MAP2K1: variants seen among roughly 807,000 people sequenced by gnomAD.
MAP2K1 encodes mitogen-activated protein kinase kinase 1.
MAP2K1 carries 16 observed loss-of-function variants against 46.3 expected under a neutral mutation model. The ratio of observed to expected loss-of-function variants is 0.35; its 90% CI spans 0.23 to 0.52. The LOEUF (loss-of-function observed/expected upper bound fraction) is 0.52. MAP2K1 is among the 20% of genes least tolerant of loss of function. The pLI is 0.94. For missense variants in MAP2K1, 263 were observed against 497.1 expected (o/e 0.53, Z 4.48); for synonymous variants, 183 against 185.6 (o/e 0.99, Z 0.11).
At chr15:66,408,854 C>G (rs1399806879) in intron 1 of MAP2K1, among the ~76,000 whole-genome samples, 1 of 152,142 alleles carries the variant, frequency 6.6e-6, no homozygotes, top group African/African-American at 2.4e-5. Flanking sequence ...CTCCTCCACC[C>G]CATCTGGGCA....
intron 5 of MAP2K1, among the ~76,000 whole-genome samples, chr15:66,459,394 A>G (rs1055427892): frequency 1.3e-5 from 2 of 151,700 alleles, no homozygotes; most frequent in Admixed American, 1.3e-4. Flanking sequence ...AGATGGGTGG[A>G]TCACTTGAGG....
chr15:66,469,723 C>CACACACACACACACACACACACACATAT (rs143830560), intron 5 of MAP2K1, among the ~76,000 whole-genome samples: 8 of 134,558 alleles, frequency 5.9e-5, no homozygotes, highest in Non-Finnish European at 1.3e-4. Flanking sequence ...CACACACACA[C>CACACACACACACACACACACACACATAT]ATATCGGATG....
intron 3 of MAP2K1, among the ~76,000 whole-genome samples, chr15:66,440,343 C>A (rs538509133): frequency 6.6e-6 from 1 of 152,150 alleles, no homozygotes; most frequent in African/African-American, 2.4e-5. Flanking sequence ...CTGCCTGTCT[C>A]GGCCTCTCAA....
At chr15:66,408,165 A>G (rs562937387) in intron 1 of MAP2K1, among the ~76,000 whole-genome samples, 104 of 152,358 alleles carry the variant, frequency 6.8e-4, no homozygotes, top group Non-Finnish European at 1.3e-3. Context: ...AAGACTAATG[A>G]TAACAGCCAA....
chr15:66,490,477 C>A, intron 10 of MAP2K1, 25 bp from the exon 11 acceptor site: 2 of 1,499,156 alleles, frequency 1.3e-6, no homozygotes, highest in Non-Finnish European at 1.9e-6. Context: ...TTTAACACCA[C>A]GTCCTCTCGT....
intron 1 of MAP2K1, among the ~76,000 whole-genome samples, chr15:66,425,065 G>A (rs2093454256): frequency 6.6e-6 from 1 of 152,008 alleles, no homozygotes; most frequent in Admixed American, 6.6e-5. Flanking sequence ...TAAAGTGCTG[G>A]GATTACAGGC....
At chr15:66,472,303 CAAA>C (rs60289963) in intron 5 of MAP2K1, among the ~76,000 whole-genome samples, 1 of 136,776 alleles carries the variant, frequency 7.3e-6, no homozygotes, top group Non-Finnish European at 1.6e-5. Flanking sequence ...GACTTCGTCT[CAAA>C]AAAAAAAAAA....
At chr15:66,437,108 C>T (rs2140585186) in intron 3 of MAP2K1, among the ~76,000 whole-genome samples, 3 of 152,294 alleles carry the variant, frequency 2.0e-5, no homozygotes, top group Admixed American at 2.0e-4. Flanking sequence ...AGGAAGTGGG[C>T]AGTATTCCTG....
chr15:66,412,351 G>A (rs2093413454), intron 1 of MAP2K1, among the ~76,000 whole-genome samples: 1 of 152,172 alleles, frequency 6.6e-6, no homozygotes, highest in Non-Finnish European at 1.5e-5. Context: ...CTTTGACCAG[G>A]TAATGAAAAC....
chr15:66,473,118 A>G (rs375829231), intron 5 of MAP2K1, among the ~76,000 whole-genome samples: 9 of 152,308 alleles, frequency 5.9e-5, no homozygotes, highest in East Asian at 1.9e-4. Flanking sequence ...ACTGTGATAC[A>G]TTGCATATCT....
chr15:66,433,599 G>A lies in MAP2K1; in HGVS notation c.81-1428G>A, dbSNP rs528118078. Reference sequence around the variant, plus strand: ...GTCAGATCTCCTCATACATGGAGAGGCATTAAGTCTTCATTTCCCTGTCTT... The same window carrying A: ...GTCAGATCTCCTCATACATGGAGAGACATTAAGTCTTCATTTCCCTGTCTT... On this transcript the variant is annotated intron_variant, in intron 1 of 10. Transcript: ENST00000307102. Among the ~76,000 whole-genome samples, 12 of 152,132 alleles carry A rather than the reference G, an allele frequency of 7.9e-5. No individual in the cohort carries two copies. In the East Asian group the frequency reaches 2.3e-3, roughly 29 times the overall value.
chr15:66,490,132 A>G lies in MAP2K1; in HGVS notation c.1068+369A>G, dbSNP rs575080014. 183 of 512,790 alleles carry G rather than the reference A, an allele frequency of 3.6e-4. 1 individual carries two copies. The highest frequency in any genetic ancestry group is 3.3e-3 in the African/African-American group (175 of 52,342). 31.8% of individuals were successfully genotyped at this position (512,790 alleles called of 1,614,324 possible). On this transcript the variant is annotated intron_variant, in intron 10 of 10. Coordinates refer to ENST00000307102, the MANE Select transcript of MAP2K1 (RefSeq NM_002755.4). The stretch of plus-strand genomic sequence containing the variant: ...TGCTGTCTCGTTTGGTGGCAGTGGA[A>G]ATAGCTAAGTAATACTGTAAATATC...
intron 1 of MAP2K1, among the ~76,000 whole-genome samples, chr15:66,417,023 C>A (rs1407000322): frequency 6.6e-6 from 1 of 152,126 alleles, no homozygotes; most frequent in Non-Finnish European, 1.5e-5. Context: ...GAGGAGCAGG[C>A]CCTTCTAAAC....
intron 10 of MAP2K1, 45 bp from the exon 11 acceptor site, chr15:66,490,452 GTTTTT>G (rs756730939): frequency 2.2e-6 from 3 of 1,384,602 alleles, no homozygotes; most frequent in Non-Finnish European, 3.1e-6. Context: ...GGTGGGTTTT[GTTTTT>G]TTGTTTCTTT....
At chr15:66,483,175 G>C (rs77343604) in intron 6 of MAP2K1, among the ~76,000 whole-genome samples, 1,888 of 152,242 alleles carry the variant, frequency 0.012, 33 homozygotes, top group African/African-American at 0.042. Context: ...GCCTCTTGGG[G>C]AGGATTTGGC....
intron 5 of MAP2K1, among the ~76,000 whole-genome samples, chr15:66,466,354 C>T (rs35503853): frequency 0.056 from 8,558 of 152,262 alleles, 346 homozygotes; most frequent in Middle Eastern, 0.11. Flanking sequence ...AAATATGCTT[C>T]AATTTTTTTC....
chr15:66,411,169 A>G (rs1045783703), intron 1 of MAP2K1, among the ~76,000 whole-genome samples: 1 of 152,156 alleles, frequency 6.6e-6, no homozygotes, highest in Admixed American at 6.5e-5. Flanking sequence ...GGACCAAGAA[A>G]TGCGAATCCT....
chr15:66,470,636 G>A (rs540268997), intron 5 of MAP2K1, among the ~76,000 whole-genome samples: 2 of 152,140 alleles, frequency 1.3e-5, no homozygotes, highest in South Asian at 2.1e-4. Flanking sequence ...GCTTCCAGGC[G>A]TCAGCAAATT....
rs60280544 is a variant in MAP2K1, at chr15:66,393,896, GT to G, written c.80+6470del. ...TTCACAGAGGCCATCTTTGATCACT[GT>G]AATACAGAACTCCCTGTCATTTTCT... On this transcript the variant is annotated intron_variant, in intron 1 of 10. Coordinates refer to ENST00000307102, the MANE Select transcript of MAP2K1 (RefSeq NM_002755.4). Among the ~76,000 whole-genome samples, 1,166 of 152,244 alleles carry G rather than the reference GT, an allele frequency of 7.7e-3. 11 individuals carry two copies. Among genetic ancestry groups the G allele is most frequent in the African/African-American group, 0.026 (1,078 of 41,548 alleles).
Sources: gnomAD v4.1 joint callset for allele counts (sites outside exome capture counted in the v4.1 genomes callset) on GRCh38, gnomAD v4.1.1 for gene constraint, MANE v1.5 for transcripts, NCBI Gene and HGNC (gene_info 2026-07-23, HGNC 2026-07-21) for gene names.